Variants in SLC1A5 observed in about 807,000 individuals in gnomAD.
SLC1A5 encodes the protein solute carrier family 1 member 5, also known as neutral amino acid transporter B(0).
Under a neutral mutation model 34.9 loss-of-function variants are expected in SLC1A5, and 25 were observed. That is an observed-to-expected ratio of 0.72 (90% CI 0.52 to 1.00). The LOEUF is 1.00. Among genes scored for constraint, SLC1A5 ranks in the 50% least tolerant of loss-of-function variants. SLC1A5 has a pLI of 0.00. For missense variants in SLC1A5, 637 were observed against 740.0 expected (o/e 0.86, Z 1.61); for synonymous variants, 351 against 341.2 (o/e 1.03, Z -0.32).
rs755715692 is a variant in SLC1A5, at chr19:46,778,697, T to C, written c.1036A>G (p.Thr346Ala). 8.1e-6 allele frequency: 13 copies of C among 1,601,910 alleles called. No homozygotes were observed. In the East Asian group the frequency reaches 1.8e-4, roughly 22 times the overall value. The change falls in exon 5 of 8, where the codon ACT (threonine) becomes GCT (alanine). Residue 346 changes from threonine to alanine, a missense_variant. Physicochemically the swap from Thr to Ala is moderately conservative, Grantham distance 58. Coordinates refer to ENST00000542575, the MANE Select transcript of SLC1A5 (RefSeq NM_005628.3). ...FLWGIVTPLA[T>A]AFGTSSSSAT... ...TACCTGGAAGAGGTCCCAAAGGCAG[T>C]GGCCAGCGGCGTCACGATGCCCCAC... is the stretch of plus-strand genomic sequence containing the variant.
intron 4 of SLC1A5, 32 bp downstream of exon 4, chr19:46,782,351 A>ACCCC: frequency 2.3e-5 from 6 of 256,176 alleles, no homozygotes; most frequent in South Asian, 7.7e-5. Flanking sequence ...CTCCAACCCC[A>ACCCC]CCCACCCCCA....
At chr19:46,784,236 AC>A (rs1717130769) in intron 2 of SLC1A5, 92 bp from the exon 3 acceptor site, 3 of 1,002,960 alleles carry the variant, frequency 3.0e-6, no homozygotes, top group Non-Finnish European at 4.7e-6. Flanking sequence ...CTGCCCTTCC[AC>A]ATCCTTTCAA....
chr19:46,777,541 C>T (rs2055103623), intron 5 of SLC1A5, 136 bp from the exon 6 acceptor site: 2 of 754,668 alleles, frequency 2.7e-6, no homozygotes, highest in East Asian at 2.8e-5. Flanking sequence ...CCAGTGGATC[C>T]CCACCAGAGC....
Position 46,785,677 on chromosome 19 carries a change from A to G in SLC1A5, c.567-1118T>C, listed in dbSNP as rs967269271. ...AGCCAACGCCATGTGCCCATATACAATCTGTCAAATGTTAATAGTTTGGGT... is the reference window on the plus strand; with the variant it reads ...AGCCAACGCCATGTGCCCATATACAGTCTGTCAAATGTTAATAGTTTGGGT... On this transcript the variant is annotated intron_variant, in intron 1 of 7. Coordinates refer to ENST00000542575, the MANE Select transcript of SLC1A5 (RefSeq NM_005628.3). Among the ~76,000 whole-genome samples the G allele has an allele frequency of 5.1e-4, 78 of 152,146 alleles. 1 individual carries two copies. Among genetic ancestry groups the G allele is most frequent in the African/African-American group, 1.7e-3 (72 of 41,422 alleles).
chr19:46,777,165 G>C (rs746745302), intron 6 of SLC1A5, 46 bp downstream of exon 6: 11 of 1,604,786 alleles, frequency 6.9e-6, no homozygotes, highest in Non-Finnish European at 9.4e-6. Context: ...GAAGATGGGG[G>C]TCAACAGGGG....
chr19:46,779,976 C>T (rs531207319), intron 4 of SLC1A5, among the ~76,000 whole-genome samples: 25 of 152,118 alleles, frequency 1.6e-4, no homozygotes, highest in African/African-American at 5.8e-4. Flanking sequence ...CCTCAGCCTC[C>T]CAAGTAGCTG....
At chr19:46,784,850 G>A (rs2055175709) in intron 1 of SLC1A5, 4 of 1,392,124 alleles carry the variant, frequency 2.9e-6, no homozygotes, top group African/African-American at 1.5e-5. Flanking sequence ...GCCAGGGCAG[G>A]TCGCCCCGGG....
At position 46,782,546 on chromosome 19, in the gene SLC1A5, G is replaced by C. The variant is rs1599733297; in HGVS notation, c.661C>G (p.Pro221Ala). The change falls in exon 4 of 8, where the codon CCC becomes GCC. Residue 221 changes from proline to alanine, a missense_variant. Transcript: ENST00000542575. ...RNITGTRVKV[P>A]VGQEVEGMNI... ...ATCCCCTCCACCTCCTGCCCCACGG[G>C]CACCTGTGGGCAAGGAACAGATCGG... The C allele has an allele frequency of 6.2e-7, 1 of 1,613,912 alleles. No homozygotes were observed.
chr19:46,783,539 AT>A (rs2122695374), intron 3 of SLC1A5, among the ~76,000 whole-genome samples: 1 of 152,130 alleles, frequency 6.6e-6, no homozygotes, highest in South Asian at 2.1e-4. Context: ...CACGCCTGTA[AT>A]CCCAGCACTT....
At position 46,787,302 on chromosome 19, in the gene SLC1A5, G is replaced by GA. The variant is rs2055193248; in HGVS notation, c.566+97_566+98insT. On this transcript the variant is annotated intron_variant, in intron 1 of 7. Coordinates refer to ENST00000542575, the MANE Select transcript of SLC1A5 (RefSeq NM_005628.3). The surrounding 1 kb of genome is among the most constrained non-coding windows in gnomAD (Gnocchi z 5.2). ...AGTTTTCCTAAGACTCTAGAGGGAA[G>GA]TCTCTGCTCCAGGGGCCCCAAAGCC... The GA allele has an allele frequency of 2.6e-5, 40 of 1,510,470 alleles. No homozygotes were observed. The highest frequency in any genetic ancestry group is 3.4e-5 in the Non-Finnish European group (38 of 1,127,698). The allele number at this position is 1,510,470 out of a possible 1,614,324, so 93.6% of individuals were successfully genotyped here. A position where few individuals can be genotyped will look rare whatever the true frequency, so the allele number is the denominator to read the frequency against.
chr19:46,784,198 C>G, intron 2 of SLC1A5, 54 bp from the exon 3 acceptor site: 1 of 1,335,218 alleles, frequency 7.5e-7, no homozygotes, highest in Non-Finnish European at 1.1e-6. Context: ...GCCTCCCAAC[C>G]CCATGCCAAG....
rs117981323 is a variant in SLC1A5, at chr19:46,785,362, C to T, written c.567-803G>A. Reference sequence around the variant, plus strand: ...AAGCCACTGCATTCCAGCCTGGGACCGAGTGAGACTCTCTCAAAAAATATA... The same window carrying T: ...AAGCCACTGCATTCCAGCCTGGGACTGAGTGAGACTCTCTCAAAAAATATA... On this transcript the variant is annotated intron_variant, in intron 1 of 7. Transcript: ENST00000542575. 4.6e-3 allele frequency among the ~76,000 whole-genome samples: 699 copies of T among 152,116 alleles called. 3 individuals are homozygous for T. The highest frequency in any genetic ancestry group is 8.0e-3 in the Non-Finnish European group (547 of 68,000).
At chr19:46,782,105 A>C (rs1345094428) in intron 4 of SLC1A5, among the ~76,000 whole-genome samples, 1 of 152,138 alleles carries the variant, frequency 6.6e-6, no homozygotes, top group Non-Finnish European at 1.5e-5. Flanking sequence ...CATGTTGGCC[A>C]GGCTGGTTTT....
chr19:46,784,491 C>G (rs2122697281), intron 2 of SLC1A5, 26 bp downstream of exon 2: 1 of 1,613,320 alleles, frequency 6.2e-7, no homozygotes, highest in African/African-American at 1.3e-5. Flanking sequence ...CACCCCCATC[C>G]CCTCAGGACA....
Position 46,787,708 on chromosome 19 carries a change from C to T in SLC1A5, c.258G>A (p.Leu86=). The change falls in exon 1 of 8, where the codon TTG becomes TTA. Residue 86 remains leucine, a synonymous_variant. Coordinates refer to ENST00000542575, the MANE Select transcript of SLC1A5 (RefSeq NM_005628.3). This position sits in a 1 kb window ranked among gnomAD's most constrained non-coding sequence, Gnocchi z 5.2. ...GGALALGPER[L]SAFVFPGELL... is the part of the protein sequence containing the mutation. The stretch of plus-strand genomic sequence containing the variant: ...GCTCGCCCGGGAAGACGAAGGCGCT[C>T]AAGCGCTCCGGGCCCAACGCCAGCG... The T allele has an allele frequency of 6.3e-7, 1 of 1,581,146 alleles. No individual in the cohort carries two copies. Among genetic ancestry groups the T allele is most frequent in the Non-Finnish European group, 8.6e-7 (1 of 1,168,304 alleles).
At position 46,787,571 on chromosome 19, in the gene SLC1A5, AGCGCCCAG is replaced by A; in HGVS notation, c.387_394del (p.Trp130AlafsTer77). On this transcript the variant is annotated frameshift_variant, in exon 1 of 8. Transcript: ENST00000542575. LOFTEE classifies it high-confidence loss of function. The surrounding 1 kb of genome is among the most constrained non-coding windows in gnomAD (Gnocchi z 5.2). ...CAGCGTGGTGACCAGGAAAAAGAGCAGCGCCCAGGCGCCCAGACGGCCGAGCGCGCCGG... is the reference window on the plus strand; with the variant it reads ...CAGCGTGGTGACCAGGAAAAAGAGCAGCGCCCAGACGGCCGAGCGCGCCGG... 1.9e-6 allele frequency: 3 copies of A among 1,567,216 alleles called. No individual in the cohort carries two copies. Among genetic ancestry groups the A allele is most frequent in the Non-Finnish European group, 2.6e-6 (3 of 1,158,126 alleles).
intron 7 of SLC1A5, among the ~76,000 whole-genome samples, chr19:46,775,964 C>T (rs1414288159): frequency 6.6e-6 from 1 of 151,590 alleles, no homozygotes; most frequent in Non-Finnish European, 1.5e-5. Flanking sequence ...ACCTATAGTC[C>T]CAGCTACTCA....
chr19:46,783,479 A>AAAG (rs1271231169), intron 3 of SLC1A5, among the ~76,000 whole-genome samples: 1 of 150,804 alleles, frequency 6.6e-6, no homozygotes, highest in Non-Finnish European at 1.5e-5. Flanking sequence ...AAAAAAAAAA[A>AAAG]AAAAAGAAAG....
At position 46,775,154 on chromosome 19, in the gene SLC1A5, C is replaced by A. The variant is rs2055074347; in HGVS notation, c.*356G>T. The A allele has an allele frequency of 9.5e-7, 1 of 1,052,670 alleles. No homozygotes were observed. The highest frequency in any genetic ancestry group is 8.4e-5 in the East Asian group (1 of 11,908). The allele number at this position is 1,052,670 out of a possible 1,614,324, so 65.2% of individuals were successfully genotyped here. A position where few individuals can be genotyped will look rare whatever the true frequency, so the allele number is the denominator to read the frequency against. On this transcript the variant is annotated 3_prime_UTR_variant, in exon 8 of 8. Transcript: ENST00000542575. ...ATAACCAGCATGGTGTTGTAACATC[C>A]CCCCAGTGGGGGCTAGAATTCCCCA...
Sources: gnomAD v4.1 joint callset for allele counts (sites outside exome capture counted in the v4.1 genomes callset) on GRCh38, gnomAD v4.1.1 for gene constraint, Gnocchi (gnomAD v3.1) non-coding constraint, MANE v1.5 for transcripts, NCBI Gene and HGNC (gene_info 2026-07-23, HGNC 2026-07-21) for gene names.